The following TUBGCP3 variants were observed in gnomAD, a reference collection of about 807,000 sequenced individuals.
TUBGCP3 encodes gamma-tubulin complex component 3.
Under a neutral mutation model 123.1 loss-of-function variants are expected in TUBGCP3, and 50 were observed. The observed-to-expected ratio is 0.41, with a 90% confidence interval of 0.32 to 0.51. TUBGCP3 has a LOEUF of 0.51. TUBGCP3 is among the 20% of genes least tolerant of loss of function. The probability of loss-of-function intolerance (pLI) is 0.36; values close to 1 mark genes in which losing one functional copy is unlikely to be tolerated. For missense variants in TUBGCP3, 882 were observed against 1,127.0 expected (o/e 0.78, Z 3.11); for synonymous variants, 405 against 413.9 (o/e 0.98, Z 0.26).
intron 21 of TUBGCP3, among the ~76,000 whole-genome samples, chr13:112,489,027 C>T (rs1414963332): frequency 7.2e-6 from 1 of 138,856 alleles, no homozygotes; most frequent in African/African-American, 2.8e-5. Context: ...GGGGCCACCC[C>T]CAGGTCCCCA....
chr13:112,603,152 A>G, the TUBGCP3 span: 2 of 152,224 alleles, frequency 1.3e-5, no homozygotes, highest in Non-Finnish European at 2.9e-5. Flanking sequence ...ATTCTTACTG[A>G]AAGAACCAAA....
the TUBGCP3 span, chr13:112,604,273 C>T: frequency 6.6e-6 from 1 of 152,100 alleles, no homozygotes; most frequent in African/African-American, 2.4e-5. Flanking sequence ...GTTTGAGAAA[C>T]TATCTTCAAA....
intron 11 of TUBGCP3, among the ~76,000 whole-genome samples, chr13:112,530,679 C>T (rs1157022155): frequency 6.6e-6 from 1 of 152,142 alleles, no homozygotes; most frequent in Non-Finnish European, 1.5e-5. Flanking sequence ...CGATTATATT[C>T]ACAAAATAGA....
intron 8 of TUBGCP3, among the ~76,000 whole-genome samples, chr13:112,550,556 CCT>C (rs1378844160): frequency 1.4e-4 from 21 of 152,186 alleles, no homozygotes; most frequent in African/African-American, 4.3e-4. Flanking sequence ...CGTGTCAGCC[CCT>C]GACGGTATGA....
rs138010335 is a variant in TUBGCP3 at position 112,520,940 on chromosome 13, G to C, written c.1746-919C>G. 2.9e-3 allele frequency among the ~76,000 whole-genome samples: 445 copies of C among 152,270 alleles called. 3 individuals carry two copies. Among genetic ancestry groups the C allele is most frequent in the Non-Finnish European group, 3.3e-3 (224 of 68,010 alleles). On this transcript the variant is annotated intron_variant, in intron 14 of 21. Transcript: ENST00000261965. ...CAACGTCAAATAAACCTAAAAACTA[G>C]GAACTTAAAATACGACATTGAGGAG... is the stretch of plus-strand genomic sequence containing the variant.
intron 13 of TUBGCP3, among the ~76,000 whole-genome samples, chr13:112,522,945 A>AC (rs1333890062): frequency 6.6e-6 from 1 of 152,204 alleles, no homozygotes; most frequent in African/African-American, 2.4e-5. Context: ...AGTATCATGC[A>AC]CCATAGAGTG....
At chr13:112,560,031 G>A (rs1880368756) in intron 3 of TUBGCP3, among the ~76,000 whole-genome samples, 1 of 152,142 alleles carries the variant, frequency 6.6e-6, no homozygotes, top group South Asian at 2.1e-4. Flanking sequence ...CTACTCGGGA[G>A]GCTGAGACAC....
upstream of TUBGCP3, among the ~76,000 whole-genome samples, chr13:112,589,991 CT>C (rs898076645): frequency 1.1e-3 from 165 of 145,578 alleles, no homozygotes; most frequent in Middle Eastern, 3.5e-3. Context: ...AACCATCTTT[CT>C]TTTTTTTTTT....
chr13:112,601,692 C>T, the TUBGCP3 span, among the ~76,000 whole-genome samples: 1 of 152,186 alleles, frequency 6.6e-6, no homozygotes, highest in Non-Finnish European at 1.5e-5. Context: ...GTGAGGTGAG[C>T]TCCGTGTCCC....
At chr13:112,588,412 G>C (rs1016710698), upstream of TUBGCP3, among the ~76,000 whole-genome samples, 1 of 152,206 alleles carries the variant, frequency 6.6e-6, no homozygotes, top group Admixed American at 6.5e-5. Context: ...GGGTGTGGGG[G>C]TGTGTGTGTT....
chr13:112,538,408 T>G (rs1202031561), intron 11 of TUBGCP3, among the ~76,000 whole-genome samples: 1 of 152,260 alleles, frequency 6.6e-6, no homozygotes, highest in Non-Finnish European at 1.5e-5. Context: ...GAGAGTTTGC[T>G]GAGCTCCTTG....
chr13:112,544,906 A>T (rs1321688132), intron 11 of TUBGCP3: 4 of 152,276 alleles, frequency 2.6e-5, no homozygotes, highest in Non-Finnish European at 5.9e-5. Flanking sequence ...GCTTATTTGC[A>T]ATTTCATCCA....
At chr13:112,571,848 G>A (rs1272867444) in intron 1 of TUBGCP3, among the ~76,000 whole-genome samples, 3 of 152,172 alleles carry the variant, frequency 2.0e-5, no homozygotes, top group Admixed American at 6.5e-5. Flanking sequence ...TATGGAGACA[G>A]CTTCTTTCCT....
At chr13:112,595,143 G>A in the TUBGCP3 span, among the ~76,000 whole-genome samples, 1 of 152,078 alleles carries the variant, frequency 6.6e-6, no homozygotes, top group Non-Finnish European at 1.5e-5. Context: ...AAGGAGAGTA[G>A]GGTCTCTAAC....
intron 11 of TUBGCP3, among the ~76,000 whole-genome samples, chr13:112,534,640 G>A (rs1180707691): frequency 1.3e-5 from 2 of 151,850 alleles, no homozygotes; most frequent in Non-Finnish European, 2.9e-5. Context: ...CCCTACTTGC[G>A]CTCGGCGACG....
intron 1 of TUBGCP3, among the ~76,000 whole-genome samples, chr13:112,575,905 C>G (rs529752091): frequency 2.6e-5 from 4 of 152,274 alleles, no homozygotes; most frequent in African/African-American, 9.6e-5. Context: ...CGCAGCACCC[C>G]CCAGAGCCTC....
intron 11 of TUBGCP3, among the ~76,000 whole-genome samples, chr13:112,536,806 T>TC (rs1043199257): frequency 2.0e-5 from 3 of 152,098 alleles, no homozygotes; most frequent in African/African-American, 7.2e-5. Flanking sequence ...AGACATGGTC[T>TC]CACTCTGTCA....
At chr13:112,509,108 C>T (rs568967546) in intron 17 of TUBGCP3, among the ~76,000 whole-genome samples, 7 of 152,308 alleles carry the variant, frequency 4.6e-5, no homozygotes, top group Admixed American at 3.9e-4. Flanking sequence ...GAACATGCTG[C>T]TCTCCTCCCC....
intron 11 of TUBGCP3, among the ~76,000 whole-genome samples, chr13:112,534,762 T>C (rs915585559): frequency 2.6e-5 from 4 of 152,248 alleles, no homozygotes; most frequent in Middle Eastern, 3.4e-3. Flanking sequence ...TTTTCGGAAC[T>C]TCTACATTTT....
Sources: allele counts gnomAD v4.1 joint callset (sites outside exome capture counted in the v4.1 genomes callset), GRCh38; gene constraint gnomAD v4.1.1; transcripts MANE v1.5; gene names NCBI Gene and HGNC (gene_info 2026-07-23, HGNC 2026-07-21).